ASH1L: variants seen among roughly 807,000 people sequenced by gnomAD.
The protein encoded by ASH1L is ASH1 like histone lysine methyltransferase, also known as histone-lysine N-methyltransferase ASH1L.
A neutral mutation model predicts 269.0 loss-of-function variants in ASH1L; 23 were observed. That is an observed-to-expected ratio of 0.09 (90% CI 0.06 to 0.12). ASH1L has a LOEUF of 0.12. Among genes scored for constraint, ASH1L ranks in the 10% least tolerant of loss-of-function variants. The probability of loss-of-function intolerance (pLI) is 1.00; values close to 1 mark genes in which losing one functional copy is unlikely to be tolerated. For missense variants in ASH1L, 2,912 were observed against 3,567.8 expected (o/e 0.82, Z 4.68); for synonymous variants, 1,187 against 1,253.5 (o/e 0.95, Z 1.12).
chr1:155,436,128 T>C (rs1662068137), intron 5 of ASH1L, among the ~76,000 whole-genome samples: 1 of 152,200 alleles, frequency 6.6e-6, no homozygotes, highest in Admixed American at 6.5e-5. Flanking sequence ...ACGGCCAAAT[T>C]CAATGCTGTG....
chr1:155,469,609 T>C (rs560001314), intron 3 of ASH1L, among the ~76,000 whole-genome samples: 2 of 152,368 alleles, frequency 1.3e-5, no homozygotes, highest in African/African-American at 2.4e-5. Flanking sequence ...TACCTCTCCT[T>C]TGAGCTACAG....
chr1:155,460,228 C>A (rs1242851434), intron 3 of ASH1L, among the ~76,000 whole-genome samples: 1 of 152,180 alleles, frequency 6.6e-6, no homozygotes, highest in Non-Finnish European at 1.5e-5. Context: ...ATACAAATTA[C>A]TAACAATATT....
chr1:155,391,434 C>T (rs1657920132), intron 7 of ASH1L, among the ~76,000 whole-genome samples: 2 of 152,132 alleles, frequency 1.3e-5, no homozygotes, highest in Admixed American at 1.3e-4. Flanking sequence ...TCATTATAAG[C>T]ATATTTTCCT....
chr1:155,482,283 A>G lies in ASH1L; in HGVS notation c.587T>C (p.Leu196Pro). The G allele has an allele frequency of 6.2e-7, 1 of 1,614,168 alleles. No homozygotes were observed. Among genetic ancestry groups the G allele is most frequent in the South Asian group, 1.1e-5 (1 of 91,088 alleles). ...ADYINATPST[L>P]LGSRDPDLKD... The stretch of plus-strand genomic sequence containing the variant: ...TAAATCAGGATCCCGGCTACCAAGA[A>G]GAGTAGATGGCGTTGCATTAATATA... Residue 196 changes from leucine (L) to proline (P), a missense_variant, in exon 3 of 28, where the codon CTT becomes CCT. This residue lies in a region of ASH1L where 277 missense variants were observed against 367.7 expected (regional missense o/e 0.75). Coordinates refer to ENST00000392403, the MANE Select transcript of ASH1L (RefSeq NM_018489.3).
At chr1:155,496,018 TAAAAC>T (rs916773993) in intron 2 of ASH1L, among the ~76,000 whole-genome samples, 2 of 152,034 alleles carry the variant, frequency 1.3e-5, no homozygotes, top group African/African-American at 4.8e-5. Flanking sequence ...AATAAATAAA[TAAAAC>T]AAAACAAATT....
rs534101503 is a variant in ASH1L at position 155,429,130 on chromosome 1, T to C, written c.5828+9197A>G. Among the ~76,000 whole-genome samples, 8 of 152,074 alleles carry C rather than the reference T, an allele frequency of 5.3e-5. No individual in the cohort carries two copies. The East Asian group carries it at 1.5e-3, about 29-fold the overall frequency. ...AGTTGAAAATAATCCAAGAGTAAAATCGAAGAACTGTATTACACACAAACA... is the reference window on the plus strand; with the variant it reads ...AGTTGAAAATAATCCAAGAGTAAAACCGAAGAACTGTATTACACACAAACA... On this transcript the variant is annotated intron_variant, in intron 5 of 27. Transcript: ENST00000392403.
intron 17 of ASH1L, among the ~76,000 whole-genome samples, chr1:155,352,009 T>C (rs940989513): frequency 2.0e-5 from 3 of 152,144 alleles, no homozygotes; most frequent in African/African-American, 7.2e-5. Flanking sequence ...CTCTGTATTA[T>C]GAAAATGGAA....
intron 15 of ASH1L, among the ~76,000 whole-genome samples, 183 bp downstream of exon 15, chr1:155,357,133 T>TAA (rs1225525650): frequency 4.5e-5 from 1 of 22,468 alleles, no homozygotes; most frequent in African/African-American, 1.5e-4. Context: ...GGGTAAGACT[T>TAA]AAAAAAAAAA....
At chr1:155,361,824 G>C (rs980201310) in intron 12 of ASH1L, among the ~76,000 whole-genome samples, 2 of 133,824 alleles carry the variant, frequency 1.5e-5, no homozygotes, top group Non-Finnish European at 1.5e-5. Flanking sequence ...AGTGAGCTGA[G>C]ATCATGCCAC....
At chr1:155,378,230 G>T in intron 10 of ASH1L, 51 bp downstream of exon 10, 2 of 1,403,320 alleles carry the variant, frequency 1.4e-6, no homozygotes, top group Non-Finnish European at 2.0e-6. Context: ...AGGAAGTGTT[G>T]TATGTATACC....
chr1:155,459,687 A>G (rs1664142723), intron 4 of ASH1L, 110 bp downstream of exon 4: 7 of 813,908 alleles, frequency 8.6e-6, no homozygotes, highest in Middle Eastern at 3.1e-4. Context: ...AAAATAAAAT[A>G]CCATATATGA....
chr1:155,518,750 G>C (rs1179522741), intron 2 of ASH1L, among the ~76,000 whole-genome samples: 1 of 150,876 alleles, frequency 6.6e-6, no homozygotes, highest in Non-Finnish European at 1.5e-5. Context: ...AAAGGAAGGG[G>C]AGGGAAGAGA....
intron 4 of ASH1L, among the ~76,000 whole-genome samples, chr1:155,450,973 G>A (rs1356522462): frequency 1.3e-5 from 2 of 152,146 alleles, no homozygotes; most frequent in African/African-American, 4.8e-5. Context: ...TAAGGCGGTC[G>A]AATCACCTGA....
chr1:155,464,612 C>G (rs1026793885), intron 3 of ASH1L, among the ~76,000 whole-genome samples: 10 of 151,738 alleles, frequency 6.6e-5, no homozygotes, highest in Non-Finnish European at 2.9e-5. Flanking sequence ...AATAAAGGCC[C>G]TCATGTAAAC....
rs765402822 is a variant in ASH1L, at chr1:155,479,862, G to T, written c.3008C>A (p.Ser1003Ter). 1 of 1,613,456 alleles carries T rather than the reference G, an allele frequency of 6.2e-7. No homozygotes were observed. ...KRKKLLNQILSSSVESSNKGK... is the reference protein window; with the variant it reads ...KRKKLLNQIL The stretch of plus-strand genomic sequence containing the variant: ...TTTATTACTTGATTCTACAGAACTT[G>T]AAAGAATCTGATTCAACAGTTTCTT... The change falls in exon 3 of 28, where the codon TCA becomes TAA. Residue 1003 changes from serine to a stop codon, truncating the protein, a stop_gained. Transcript: ENST00000392403. LOFTEE classifies it high-confidence loss of function.
chr1:155,498,938 A>C (rs1215480975), intron 2 of ASH1L, among the ~76,000 whole-genome samples: 1 of 151,548 alleles, frequency 6.6e-6, no homozygotes, highest in Non-Finnish European at 1.5e-5. Flanking sequence ...AAAAAAAGCC[A>C]AAAAGAAATA....
Position 155,415,799 on chromosome 1 carries a change from G to C in ASH1L, c.5953C>G (p.Pro1985Ala). The change falls in exon 6 of 28, where the codon CCA becomes GCA. Residue 1985 changes from proline to alanine, a missense_variant. Physicochemically the swap from Pro to Ala is conservative, Grantham distance 27. This residue lies in a region of ASH1L where 193 missense variants were observed against 311.6 expected (regional missense o/e 0.62). Coordinates refer to ENST00000392403, the MANE Select transcript of ASH1L (RefSeq NM_018489.3). Reference protein sequence around the residue: ...IPREKKPPRPPKKKYQKAGLY... With the variant: ...IPREKKPPRPAKKKYQKAGLY... ...CCTGCTTTCTGATACTTCTTCTTTG[G>C]GGGACGTGGGGGCTTCTTTTCCCTT... 6.2e-7 allele frequency: 1 copy of C among 1,613,944 alleles called. No individual in the cohort carries two copies. The highest frequency in any genetic ancestry group is 8.5e-7 in the Non-Finnish European group (1 of 1,179,994).
chr1:155,505,777 CTT>C (rs1377725662), intron 2 of ASH1L, among the ~76,000 whole-genome samples: 1 of 152,056 alleles, frequency 6.6e-6, no homozygotes, highest in East Asian at 1.9e-4. Flanking sequence ...ACTGGGCTAA[CTT>C]AAAATAGGGT....
chr1:155,401,876 G>C (rs1050251507), intron 6 of ASH1L, among the ~76,000 whole-genome samples: 1 of 152,090 alleles, frequency 6.6e-6, no homozygotes, highest in Non-Finnish European at 1.5e-5. Flanking sequence ...ATCACCTGAG[G>C]TCAGGAGTTT....
Sources: gnomAD v4.1 joint callset for allele counts (sites outside exome capture counted in the v4.1 genomes callset) on GRCh38, gnomAD v4.1.1 for gene constraint, gnomAD v4.1.1 regional missense constraint, MANE v1.5 for transcripts, NCBI Gene and HGNC (gene_info 2026-07-23, HGNC 2026-07-21) for gene names.